TTN: variants seen among roughly 807,000 people sequenced by gnomAD.
TTN encodes the protein connectin.
A neutral mutation model predicts 3,223.0 loss-of-function variants in TTN; 1,525 were observed. That is an observed-to-expected ratio of 0.47 (90% CI 0.45 to 0.49). The LOEUF (loss-of-function observed/expected upper bound fraction) is 0.49, where lower values mean the gene tolerates loss of function less well. TTN is among the 20% of genes least tolerant of loss of function. The probability of loss-of-function intolerance (pLI) is 0.00; values close to 1 mark genes in which losing one functional copy is unlikely to be tolerated. For missense variants in TTN, 40,786 were observed against 43,424.0 expected (o/e 0.94, Z 5.40); for synonymous variants, 14,094 against 15,161.0 (o/e 0.93, Z 5.17).
chr2:178,601,008 C>A lies in TTN; in HGVS notation c.55896G>T (p.Arg18632Ser), dbSNP rs563589789. The change falls in exon 288 of 363, where the codon AGG becomes AGT. Residue 18632 changes from arginine (R) to serine (S), a missense_variant. Arg to Ser is a moderately radical substitution (Grantham distance 110). Coordinates refer to ENST00000589042, the MANE Select transcript of TTN (RefSeq NM_001267550.2). ...DPTGTKKEAW[R>S]QCNKRDVEEL... ...CTTCCACATCACGCTTATTGCACTG[C>A]CTCCAGGCTTCTTTCTTTGTCCCAG... 2.5e-6 allele frequency: 4 copies of A among 1,613,068 alleles called. No homozygotes were observed. In the African/African-American group the frequency reaches 5.3e-5, roughly 22 times the overall value.
Position 178,756,668 on chromosome 2 carries a change from C to G in TTN, c.10808G>C (p.Gly3603Ala). The change falls in exon 46 of 363, where the codon GGA (glycine) becomes GCA (alanine). Residue 3603 changes from glycine (G) to alanine (A), a missense_variant. Coordinates refer to ENST00000589042, the MANE Select transcript of TTN (RefSeq NM_001267550.2). ...CTGCACTTCATATTCATATGATGAT[C>G]CTTGAAATGACTTAATTTCCTTTTG... is the stretch of plus-strand genomic sequence containing the variant. ...ISQKEIKSFQ[G>A]SSYEYEVQVF... 6.2e-7 allele frequency: 1 copy of G among 1,613,800 alleles called. No homozygotes were observed. Among genetic ancestry groups the G allele is most frequent in the East Asian group, 2.2e-5 (1 of 44,840 alleles).
At position 178,720,221 on chromosome 2, in the gene TTN, A is replaced by G; in HGVS notation, c.23421T>C (p.Leu7807=). ...CCCGTAACTCAACAGCATCCCCAAT[A>G]AGGGTTGAGGTGTCACTTAGCTTTT... is the stretch of plus-strand genomic sequence containing the variant. ...FVKKLSDTST[L]IGDAVELRAI... The change falls in exon 81 of 363, where the codon CTT becomes CTC. Residue 7807 remains leucine, a synonymous_variant. Coordinates refer to ENST00000589042, the MANE Select transcript of TTN (RefSeq NM_001267550.2). 2 of 1,613,570 alleles carry G rather than the reference A, an allele frequency of 1.2e-6. No homozygotes were observed. Among genetic ancestry groups the G allele is most frequent in the Non-Finnish European group, 1.7e-6 (2 of 1,179,656 alleles).
At position 178,777,414 on chromosome 2, in the gene TTN, T is replaced by C; in HGVS notation, c.4645+6A>G. 6.2e-7 allele frequency: 1 copy of C among 1,613,164 alleles called. No individual in the cohort carries two copies. Among genetic ancestry groups the C allele is most frequent in the Non-Finnish European group, 8.5e-7 (1 of 1,179,586 alleles). Reference sequence around the variant, plus strand: ...ATTCATTTATTTTTATTTTATCTCATTTTACCTTCCACAGTTAAAATCACT... The same window carrying C: ...ATTCATTTATTTTTATTTTATCTCACTTTACCTTCCACAGTTAAAATCACT... On this transcript the variant is annotated splice_donor_region_variant and intron_variant, in intron 26 of 362. Transcript: ENST00000589042.
chr2:178,669,651 A>G lies in TTN; in HGVS notation c.35411T>C (p.Val11804Ala), dbSNP rs1213589585. 2 of 1,612,266 alleles carry G rather than the reference A, an allele frequency of 1.2e-6. No homozygotes were observed. The highest frequency in any genetic ancestry group is 2.7e-5 in the African/African-American group (2 of 74,906). Residue 11804 changes from valine to alanine, a missense_variant, in exon 158 of 363, where the codon GTC becomes GCC. By Grantham distance (64) the Val-to-Ala change is moderately conservative. Coordinates refer to ENST00000589042, the MANE Select transcript of TTN (RefSeq NM_001267550.2). ...TKAPEVPKKI[V>A]PEEKVREAVL... ...AGCTTCACGAACTTTTTCTTCTGGG[A>G]CAATTTTCTTGGGTACTTCGGGTGC... is the stretch of plus-strand genomic sequence containing the variant.
chr2:178,579,232 CAACACTGACTCT>C lies in TTN; in HGVS notation c.67786_67797del (p.Arg22596_Val22599del). ...AGAGTTGTGTTAACCGCAGATGACT[CAACACTGACTCT>C]AGTGTCAGTTGCTAGAGGATCTTCC... On this transcript the variant is annotated inframe_deletion, in exon 320 of 363. Coordinates refer to ENST00000589042, the MANE Select transcript of TTN (RefSeq NM_001267550.2). The C allele has an allele frequency of 2.5e-6, 4 of 1,613,480 alleles. No homozygotes were observed. Among genetic ancestry groups the C allele is most frequent in the Non-Finnish European group, 3.4e-6 (4 of 1,179,580 alleles).
chr2:178,610,961 G>A (rs762286954), intron 270 of TTN, 32 bp downstream of exon 270: 2 of 1,607,658 alleles, frequency 1.2e-6, no homozygotes. Context: ...TACATGTGAA[G>A]AATGTCTGGT....
chr2:178,601,431 A>T lies in TTN; in HGVS notation c.55566T>A (p.Asp18522Glu). 6.2e-7 allele frequency: 1 copy of T among 1,612,816 alleles called. No homozygotes were observed. The highest frequency in any genetic ancestry group is 8.5e-7 in the Non-Finnish European group (1 of 1,179,318). Residue 18522 changes from aspartate (D) to glutamate (E), a missense_variant, in exon 287 of 363, where the codon GAT becomes GAA. Transcript: ENST00000589042. Reference protein sequence around the residue: ...KGYVIEKRTIDGKAWTKVNPD... With the variant: ...KGYVIEKRTIEGKAWTKVNPD... ...GATTGACTTTGGTCCAGGCTTTTCC[A>T]TCAATAGTCCTCTTCTCAATAACAT...
In TTN at chr2:178,593,801, GA is replaced by G; in HGVS notation, c.58498del (p.Ser19500LeufsTer6). ...DEVTKDYMVI[S>X]WKPPLDDGGS... ...TCCATCATCTAAAGGAGGCTTCCAAGAGATAACCATGTAATCTTTGGTCACC... is the reference window on the plus strand; with the variant it reads ...TCCATCATCTAAAGGAGGCTTCCAAGGATAACCATGTAATCTTTGGTCACC... On this transcript the variant is annotated frameshift_variant, in exon 298 of 363. Coordinates refer to ENST00000589042, the MANE Select transcript of TTN (RefSeq NM_001267550.2). LOFTEE classifies it high-confidence loss of function. 1 of 1,612,962 alleles carries G rather than the reference GA, an allele frequency of 6.2e-7. No individual in the cohort carries two copies. The highest frequency in any genetic ancestry group is 1.3e-5 in the African/African-American group (1 of 74,968).
Position 178,632,600 on chromosome 2 carries a change from G to C in TTN, c.43406C>G (p.Ala14469Gly). 6.2e-7 allele frequency: 1 copy of C among 1,613,440 alleles called. No individual in the cohort carries two copies. The highest frequency in any genetic ancestry group is 8.5e-7 in the Non-Finnish European group (1 of 1,179,570). ...GTKHSMVIKSAAFEDEAKYMF... is the reference protein window; with the variant it reads ...GTKHSMVIKSGAFEDEAKYMF... ...GTATTTTGCTTCATCTTCAAAAGCA[G>C]CTGACTTGATCACCATTGAATGCTT... is the stretch of plus-strand genomic sequence containing the variant. Residue 14469 changes from alanine to glycine, a missense_variant, in exon 235 of 363, where the codon GCT (alanine) becomes GGT (glycine). Coordinates refer to ENST00000589042, the MANE Select transcript of TTN (RefSeq NM_001267550.2).
rs369418580 is a variant in TTN at position 178,547,285 on chromosome 2, T to G, written c.94240A>C (p.Arg31414=). The change falls in exon 340 of 363, where the codon AGA becomes CGA. Residue 31414 remains arginine (R), a synonymous_variant. Coordinates refer to ENST00000589042, the MANE Select transcript of TTN (RefSeq NM_001267550.2). ...GCAGACACATGGTAGACCTCAGGTC[T>G]GGTAGGAGCGCTTGGTGGGACTAAA... ...HPFVPPSAPT[R]PEVYHVSANA... is the part of the protein sequence containing the mutation. The G allele has an allele frequency of 6.2e-7, 1 of 1,610,094 alleles. No homozygotes were observed.
In TTN at chr2:178,757,705, A is replaced by G. The variant is rs763190523; in HGVS notation, c.10515T>C (p.Ile3505=). ...GGAAAACTACATCTTTTGTTGGTAG[A>G]ATTAGCTGCTGGTTATGAAACCATT... ...EIQWFHNQQL[I]LPTKDVVFHF... is the part of the protein sequence containing the mutation. Residue 3505 remains isoleucine, a synonymous_variant, in exon 45 of 363, where the codon ATT becomes ATC. Coordinates refer to ENST00000589042, the MANE Select transcript of TTN (RefSeq NM_001267550.2). 6.2e-6 allele frequency: 10 copies of G among 1,613,830 alleles called. No homozygotes were observed. The highest frequency in any genetic ancestry group is 8.5e-6 in the Non-Finnish European group (10 of 1,179,772).
intron 221 of TTN, 128 bp from the exon 222 acceptor site, chr2:178,640,238 A>C: frequency 1.2e-6 from 1 of 837,074 alleles, no homozygotes; most frequent in African/African-American, 1.8e-5. Context: ...TTATCAAATC[A>C]AGTATTTGAT....
In TTN at chr2:178,533,909, A is replaced by T; in HGVS notation, c.102706T>A (p.Tyr34236Asn). The change falls in exon 358 of 363, where the codon TAC becomes AAC. Residue 34236 changes from tyrosine to asparagine, a missense_variant. Coordinates refer to ENST00000589042, the MANE Select transcript of TTN (RefSeq NM_001267550.2). ...VKGVREVYDY[Y>N]CRRTMKKIKR... ...ATTTTCTTCATGGTTCTACGGCAGT[A>T]ATAGTCATAGACTTCTCTCACACCT... 1 of 1,613,858 alleles carries T rather than the reference A, an allele frequency of 6.2e-7. No individual in the cohort carries two copies. The highest frequency in any genetic ancestry group is 8.5e-7 in the Non-Finnish European group (1 of 1,179,860).
In TTN at chr2:178,553,134, C is replaced by A; in HGVS notation, c.89766G>T (p.Lys29922Asn). ...LTIENGVGEP[K>N]SSTVSVKVLD... The stretch of plus-strand genomic sequence containing the variant: ...GCACTTTAACACTCACAGTTGAAGA[C>A]TTAGGTTCACCAACTCCATTTTCTA... The change falls in exon 335 of 363, where the codon AAG (lysine) becomes AAT (asparagine). Residue 29922 changes from lysine (K) to asparagine (N), a missense_variant. Transcript: ENST00000589042. The A allele has an allele frequency of 6.2e-7, 1 of 1,612,456 alleles. No individual in the cohort carries two copies. Among genetic ancestry groups the A allele is most frequent in the South Asian group, 1.1e-5 (1 of 91,006 alleles).
At chr2:178,742,571 T>C (rs1037426329) in intron 47 of TTN, among the ~76,000 whole-genome samples, 3 of 152,008 alleles carry the variant, frequency 2.0e-5, no homozygotes, top group African/African-American at 7.2e-5. Context: ...TAATCAAAAA[T>C]AAGAGAAAAC....
rs568472002 is a variant in TTN at position 178,531,185 on chromosome 2, C to T, written c.105430G>A (p.Glu35144Lys). The T allele has an allele frequency of 3.0e-5, 49 of 1,613,978 alleles. 1 individual carries two copies. The South Asian group carries it at 4.2e-4, about 14-fold the overall frequency. Residue 35144 changes from glutamate to lysine, a missense_variant, in exon 358 of 363, where the codon GAG (glutamate) becomes AAG (lysine). Transcript: ENST00000589042. ...GTGTCACAAGAAAACCTTGCAGACT[C>T]GCCCTCGTAGACGGTCATGGACCGT... ...KPRSMTVYEG[E>K]SARFSCDTDG...
Position 178,694,909 on chromosome 2 carries a change from G to T in TTN, c.31271-3C>A. 6.5e-7 allele frequency: 1 copy of T among 1,541,016 alleles called. No individual in the cohort carries two copies. The highest frequency in any genetic ancestry group is 8.8e-7 in the Non-Finnish European group (1 of 1,140,822). ...TTCAATTACTGGCTTCTTTATAACT[G>T]CAAGCATTTTAGAGAAATTGCAGTA... On this transcript the variant is annotated splice_polypyrimidine_tract_variant and splice_region_variant and intron_variant, in intron 115 of 362. Transcript: ENST00000589042.
At chr2:178,733,983 A>G in intron 52 of TTN, 91 bp from the exon 53 acceptor site, 1 of 1,260,194 alleles carries the variant, frequency 7.9e-7, no homozygotes, top group South Asian at 1.8e-5. Context: ...GATTATATTT[A>G]TCTTGTCCCA....
chr2:178,689,685 C>T, intron 122 of TTN, 90 bp from the exon 123 acceptor site: 1 of 1,432,258 alleles, frequency 7.0e-7, no homozygotes, highest in Non-Finnish European at 9.5e-7. Flanking sequence ...GGTGGACAGA[C>T]ACTTTTGTTC....
Sources: gnomAD v4.1 joint callset for allele counts (sites outside exome capture counted in the v4.1 genomes callset) on GRCh38, gnomAD v4.1.1 for gene constraint, MANE v1.5 for transcripts, NCBI Gene and HGNC (gene_info 2026-07-23, HGNC 2026-07-21) for gene names.